FOXP2: variants seen among roughly 807,000 people sequenced by gnomAD.
FOXP2 encodes forkhead box P2, also known as forkhead box protein P2.
A neutral mutation model predicts 115.8 loss-of-function variants in FOXP2; 12 were observed. The observed-to-expected ratio is 0.10, with a 90% CI of 0.07 to 0.17. The LOEUF (loss-of-function observed/expected upper bound fraction) is 0.17. FOXP2 is among the 10% of genes least tolerant of loss of function. The pLI, the probability that FOXP2 is intolerant of heterozygous loss-of-function variation, is 1.00. For synonymous variants in FOXP2, 328 were observed against 297.7 expected (o/e 1.10, Z -1.05); for missense variants, 629 against 843.5 (o/e 0.75, Z 3.15).
intron 1 of FOXP2, among the ~76,000 whole-genome samples, chr7:114,119,900 G>A (rs2129143502): frequency 6.6e-6 from 1 of 152,118 alleles, no homozygotes; most frequent in Non-Finnish European, 1.5e-5. Flanking sequence ...TCATTCAGTA[G>A]GTCTGTGTGC....
chr7:114,189,275 G>A (rs1043737068), intron 1 of FOXP2, among the ~76,000 whole-genome samples: 1 of 152,116 alleles, frequency 6.6e-6, no homozygotes, highest in Non-Finnish European at 1.5e-5. Context: ...TTTATGATGT[G>A]TATAGAAAGT....
At chr7:114,262,012 C>A (rs1795765589) in intron 1 of FOXP2, among the ~76,000 whole-genome samples, 1 of 152,040 alleles carries the variant, frequency 6.6e-6, no homozygotes, top group African/African-American at 2.4e-5. Flanking sequence ...GAGCCCGGAT[C>A]ACGCCATTGT....
chr7:114,560,160 G>A (rs544574204), intron 3 of FOXP2, among the ~76,000 whole-genome samples: 1 of 152,080 alleles, frequency 6.6e-6, no homozygotes, highest in Non-Finnish European at 1.5e-5. Context: ...AATAAAATAT[G>A]CAAACACCCA....
rs541703348 is a variant in FOXP2 at position 114,293,120 on chromosome 7, C to T, written c.-11+5011C>T. ...GATGGTCCCCATTTTCTGGTTTTCACTCCATTATATTTTTTCCCCCATATT... is the reference window on the plus strand; with the variant it reads ...GATGGTCCCCATTTTCTGGTTTTCATTCCATTATATTTTTTCCCCCATATT... On this transcript the variant is annotated intron_variant, in intron 2 of 17. Transcript: ENST00000634411. Among the ~76,000 whole-genome samples the T allele has an allele frequency of 5.9e-5, 9 of 152,198 alleles. No homozygotes were observed. In the East Asian group the frequency reaches 1.5e-3, roughly 26 times the overall value.
chr7:114,306,315 G>A (rs1202223188), intron 2 of FOXP2, among the ~76,000 whole-genome samples: 3 of 152,094 alleles, frequency 2.0e-5, no homozygotes, highest in Non-Finnish European at 4.4e-5. Flanking sequence ...TGCTGCAGGG[G>A]TGATACAATA....
intron 1 of FOXP2, among the ~76,000 whole-genome samples, chr7:114,281,095 A>ATTTTTTTTTTT (rs71157578): frequency 1.1e-5 from 1 of 92,858 alleles, no homozygotes; most frequent in Non-Finnish European, 2.0e-5. Context: ...TGCAATTTGA[A>ATTTTTTTTTTT]TTTTTTTTTT....
chr7:114,087,240 A>C (rs769884692), upstream of FOXP2, among the ~76,000 whole-genome samples: 27 of 152,262 alleles, frequency 1.8e-4, no homozygotes, highest in South Asian at 1.7e-3. Flanking sequence ...AGAGATGGAA[A>C]GGGGACACTC....
intron 1 of FOXP2, among the ~76,000 whole-genome samples, chr7:114,093,489 A>T (rs1320925465): frequency 6.6e-6 from 1 of 152,154 alleles, no homozygotes. Flanking sequence ...CTTTGGTTTA[A>T]CTCAATACTT....
At chr7:114,663,947 G>T (rs1286199263) in intron 15 of FOXP2, among the ~76,000 whole-genome samples, 1 of 152,106 alleles carries the variant, frequency 6.6e-6, no homozygotes, top group Non-Finnish European at 1.5e-5. Context: ...TTAAGTTCTG[G>T]TCATTTTTAA....
intron 1 of FOXP2, among the ~76,000 whole-genome samples, chr7:114,232,278 A>G (rs1415811393): frequency 6.6e-6 from 1 of 152,208 alleles, no homozygotes; most frequent in Non-Finnish European, 1.5e-5. Context: ...ATGTAAAATG[A>G]TACAGCCACT....
chr7:114,452,633 T>C (rs1329597966), intron 2 of FOXP2, among the ~76,000 whole-genome samples: 1 of 152,092 alleles, frequency 6.6e-6, no homozygotes, highest in Non-Finnish European at 1.5e-5. Flanking sequence ...TGCTTTCTGG[T>C]CTTTCACAGT....
intron 1 of FOXP2, among the ~76,000 whole-genome samples, chr7:114,122,476 T>G (rs1791592798): frequency 6.6e-6 from 1 of 151,602 alleles, no homozygotes; most frequent in Non-Finnish European, 1.5e-5. Flanking sequence ...CATGTTGTAC[T>G]GCGTAGGATA....
At chr7:114,553,544 T>C (rs1376096491) in intron 3 of FOXP2, among the ~76,000 whole-genome samples, 1 of 152,162 alleles carries the variant, frequency 6.6e-6, no homozygotes, top group Non-Finnish European at 1.5e-5. Context: ...TTTAGAAATC[T>C]ATAACTTCAT....
chr7:114,414,435 T>G (rs1175819358), upstream of FOXP2: 1 of 152,530 alleles, frequency 6.6e-6, no homozygotes, highest in Admixed American at 6.6e-5. Context: ...AGCTGAAAAT[T>G]TTCCATTTCA....
At chr7:114,323,893 A>G (rs1481540525) in intron 2 of FOXP2, among the ~76,000 whole-genome samples, 1 of 151,982 alleles carries the variant, frequency 6.6e-6, no homozygotes, top group Non-Finnish European at 1.5e-5. Flanking sequence ...CTAGATTCAA[A>G]CTAGAAGTTC....
intron 3 of FOXP2, among the ~76,000 whole-genome samples, chr7:114,613,333 G>T (rs1417535968): frequency 1.3e-5 from 2 of 152,048 alleles, no homozygotes; most frequent in Non-Finnish European, 2.9e-5. Flanking sequence ...GCATATTCAA[G>T]TGATATGTAT....
intron 1 of FOXP2, among the ~76,000 whole-genome samples, chr7:114,232,669 C>G (rs1266791006): frequency 6.6e-6 from 1 of 151,934 alleles, no homozygotes; most frequent in Admixed American, 6.6e-5. Context: ...CAAAATTATC[C>G]AGGCATGGTG....
chr7:114,216,906 G>A lies in FOXP2; in HGVS notation c.-102+53818G>A, dbSNP rs189564290. Reference sequence around the variant, plus strand: ...TTATTCTGGCCAGAATGAAATCTAGGCATTAGCAGTTTAAAATATAATAAC... The same window carrying A: ...TTATTCTGGCCAGAATGAAATCTAGACATTAGCAGTTTAAAATATAATAAC... On this transcript the variant is annotated intron_variant, in intron 1 of 17. Coordinates refer to the FOXP2 transcript ENST00000634411. Among the ~76,000 whole-genome samples the A allele has an allele frequency of 8.5e-5, 13 of 152,150 alleles. No homozygotes were observed. In the East Asian group the frequency reaches 2.3e-3, roughly 27 times the overall value.
chr7:114,255,569 C>T (rs552873254), intron 1 of FOXP2, among the ~76,000 whole-genome samples: 13 of 152,288 alleles, frequency 8.5e-5, no homozygotes, highest in Middle Eastern at 3.4e-3. Flanking sequence ...AACGAGGATC[C>T]GTGGGCGTGG....
Sources: gnomAD v4.1 joint callset for allele counts (sites outside exome capture counted in the v4.1 genomes callset) on GRCh38, gnomAD v4.1.1 for gene constraint, MANE v1.5 for transcripts, NCBI Gene and HGNC (gene_info 2026-07-23, HGNC 2026-07-21) for gene names.